MPZ: variants seen among roughly 807,000 people sequenced by gnomAD.
MPZ encodes myelin protein P0.
MPZ carries 13 observed loss-of-function variants against 27.9 expected under a neutral mutation model. The ratio of observed to expected loss-of-function variants is 0.47; its 90% CI spans 0.30 to 0.74. The LOEUF (loss-of-function observed/expected upper bound fraction) is 0.74. Ranked by LOEUF, MPZ falls within the 30% of genes least tolerant of loss-of-function variation. The probability of loss-of-function intolerance (pLI) is 0.06; values close to 1 mark genes in which losing one functional copy is unlikely to be tolerated. For missense variants in MPZ, 256 were observed against 317.5 expected (o/e 0.81, Z 1.47); for synonymous variants, 118 against 128.9 (o/e 0.92, Z 0.57).
rs372369190 is a variant in MPZ, at chr1:161,306,508, G to A, written c.449-44C>T. ...GAAGTGGGAGAATGAGCAGGGCCCTGTATCTGTGGTTCCTAGTCCGAGTGT... is the reference window on the plus strand; with the variant it reads ...GAAGTGGGAGAATGAGCAGGGCCCTATATCTGTGGTTCCTAGTCCGAGTGT... On this transcript the variant is annotated intron_variant, in intron 3 of 5. Transcript: ENST00000533357. 6 of 1,613,488 alleles carry A rather than the reference G, an allele frequency of 3.7e-6. No individual in the cohort carries two copies. In the South Asian group the frequency reaches 5.5e-5, roughly 15 times the overall value.
At chr1:161,307,036 A>AAAAAAAAAC in intron 2 of MPZ, 115 bp from the exon 3 acceptor site, 1 of 960,280 alleles carries the variant, frequency 1.0e-6, no homozygotes, top group African/African-American at 1.7e-5. Flanking sequence ...AAAAAAAAAA[A>AAAAAAAAAC]AAGCTTCGCT....
chr1:161,306,618 G>C, intron 3 of MPZ, 90 bp downstream of exon 3: 3 of 1,555,630 alleles, frequency 1.9e-6, no homozygotes. Flanking sequence ...TCCTTAGGCC[G>C]GGCTTTTTGC....
At position 161,305,673 on chromosome 1, in the gene MPZ, G is replaced by A. The variant is rs995572837; in HGVS notation, c.*203C>T. ...CCTGCTCTGGCAGGGCCTGGGGTGG[G>A]GGGGTGGCGATCACTTGTCCGAGTT... On this transcript the variant is annotated 3_prime_UTR_variant, in exon 6 of 6. Transcript: ENST00000533357. 1.2e-5 allele frequency: 7 copies of A among 592,012 alleles called. No homozygotes were observed. The highest frequency in any genetic ancestry group is 1.9e-5 in the African/African-American group (1 of 53,568). 36.7% of individuals were successfully genotyped at this position (592,012 alleles called of 1,614,324 possible).
downstream of MPZ, among the ~76,000 whole-genome samples, chr1:161,304,242 C>G (rs906939178): frequency 2.0e-5 from 3 of 152,146 alleles, no homozygotes; most frequent in African/African-American, 7.2e-5. Flanking sequence ...TAGGCAAGCA[C>G]TAGAAACAAA....
intron 1 of MPZ, 21 bp downstream of exon 1, chr1:161,309,818 G>C (rs1195277303): frequency 1.9e-6 from 3 of 1,562,706 alleles, no homozygotes; most frequent in Non-Finnish European, 2.6e-6. Context: ...AAGACTCCCA[G>C]AGTAGAGTGG....
Position 161,306,638 on chromosome 1 carries a change from C to A in MPZ, c.448+70G>T. The A allele has an allele frequency of 7.6e-6, 12 of 1,577,002 alleles. No individual in the cohort carries two copies. In the South Asian group the frequency reaches 1.1e-4, roughly 15 times the overall value. ...AGGCCGGGCTTTTTGCCTCTTCCCC[C>A]AACCTATCAGTCCTCCCTGATCCCC... On this transcript the variant is annotated intron_variant, in intron 3 of 5. Transcript: ENST00000533357.
chr1:161,306,229 A>T, intron 4 of MPZ, 61 bp from the exon 5 acceptor site: 1 of 1,611,876 alleles, frequency 6.2e-7, no homozygotes, highest in Non-Finnish European at 8.5e-7. Context: ...CCGCGGACAC[A>T]GCTTCCTCTT....
rs1185199859 is a variant in MPZ at position 161,305,847 on chromosome 1, C to T, written c.*29G>A. 2.6e-6 allele frequency: 4 copies of T among 1,549,748 alleles called. No individual in the cohort carries two copies. Among genetic ancestry groups the T allele is most frequent in the Non-Finnish European group, 3.6e-6 (4 of 1,126,384 alleles). On this transcript the variant is annotated 3_prime_UTR_variant, in exon 6 of 6. Transcript: ENST00000533357. Reference sequence around the variant, plus strand: ...GCCTTTGGCGGACTCCACCCCTAACCCCCGATCCCCCGCCCGGCCCGCTAA... The same window carrying T: ...GCCTTTGGCGGACTCCACCCCTAACTCCCGATCCCCCGCCCGGCCCGCTAA...
In MPZ at chr1:161,307,249, G is replaced by A; in HGVS notation, c.234+9C>T. 1 of 1,614,220 alleles carries A rather than the reference G, an allele frequency of 6.2e-7. No homozygotes were observed. The highest frequency in any genetic ancestry group is 1.3e-5 in the African/African-American group (1 of 75,068). On this transcript the variant is annotated intron_variant, in intron 2 of 5. Transcript: ENST00000533357. ...GTTATCCAACCCCAGGATTCCCCCA[G>A]GCACTCACCGAAATGGCATCTCTGC...
At chr1:161,309,001 A>G (rs1463181331) in intron 1 of MPZ, among the ~76,000 whole-genome samples, 1 of 152,028 alleles carries the variant, frequency 6.6e-6, no homozygotes, top group Non-Finnish European at 1.5e-5. Context: ...TGGCTCACTC[A>G]TTGCACTAGG....
chr1:161,306,801 A>G lies in MPZ; in HGVS notation c.355T>C (p.Tyr119His), dbSNP rs866370185. Residue 119 changes from tyrosine (Y) to histidine (H), a missense_variant, in exon 3 of 6, where the codon TAC (tyrosine) becomes CAC (histidine). Tyr to His is a moderately conservative substitution (Grantham distance 83). Around this residue, in one of 2 missense-constraint regions of MPZ, gnomAD observed 155 missense variants for 223.9 expected, o/e 0.69. Transcript: ENST00000533357. ...DGSIVIHNLD[Y>H]SDNGTFTCDV... The stretch of plus-strand genomic sequence containing the variant: ...CAAGTGAACGTGCCATTGTCACTGT[A>G]GTCTAGGTTGTGTATGACAATGGAG... The G allele has an allele frequency of 6.2e-7, 1 of 1,614,010 alleles. No individual in the cohort carries two copies. Among genetic ancestry groups the G allele is most frequent in the Admixed American group, 1.7e-5 (1 of 60,012 alleles).
In MPZ at chr1:161,305,986, G is replaced by A; in HGVS notation, c.646-9C>T. ...GCATACAGCACTGGCGTCTGGGGGA[G>A]GGGCGCACACATCAGTCACCGAGCG... On this transcript the variant is annotated splice_polypyrimidine_tract_variant and intron_variant, in intron 5 of 5. Coordinates refer to ENST00000533357, the MANE Select transcript of MPZ (RefSeq NM_000530.8). 2 of 1,613,196 alleles carry A rather than the reference G, an allele frequency of 1.2e-6. No homozygotes were observed. The highest frequency in any genetic ancestry group is 1.7e-6 in the Non-Finnish European group (2 of 1,179,240).
In MPZ at chr1:161,306,349, C is replaced by T. The variant is rs183375483; in HGVS notation, c.564G>A (p.Ala188=). Reference sequence around the variant, plus strand: ...CTTACCTGAGCCTCCTCTGCAGGGCCGCCTGCCTGCGTAGCCAGCAGTACC... The same window carrying T: ...CTTACCTGAGCCTCCTCTGCAGGGCTGCCTGCCTGCGTAGCCAGCAGTACC... The part of the protein sequence containing the change: ...VVRYCWLRRQ[A]ALQRRLSAME... Residue 188 remains alanine, a synonymous_variant, in exon 4 of 6, where the codon GCG becomes GCA. Transcript: ENST00000533357. The T allele has an allele frequency of 6.2e-7, 1 of 1,614,196 alleles. No homozygotes were observed. Among genetic ancestry groups the T allele is most frequent in the South Asian group, 1.1e-5 (1 of 91,084 alleles).
chr1:161,303,827 C>G (rs116446896), downstream of MPZ, among the ~76,000 whole-genome samples: 722 of 152,266 alleles, frequency 4.7e-3, 6 homozygotes, highest in African/African-American at 0.017. Context: ...TATATATACT[C>G]TATTAGCTTT....
chr1:161,306,584 A>T, intron 3 of MPZ, 120 bp from the exon 4 acceptor site: 1 of 1,552,108 alleles, frequency 6.4e-7, no homozygotes, highest in East Asian at 2.3e-5. Flanking sequence ...CCTTCTGCCC[A>T]CGCTCCCAGA....
chr1:161,307,248 A>C lies in MPZ; in HGVS notation c.234+10T>G, dbSNP rs745359612. ...TGTTATCCAACCCCAGGATTCCCCC[A>C]GGCACTCACCGAAATGGCATCTCTG... On this transcript the variant is annotated intron_variant, in intron 2 of 5. Coordinates refer to ENST00000533357, the MANE Select transcript of MPZ (RefSeq NM_000530.8). 1.2e-6 allele frequency: 2 copies of C among 1,614,102 alleles called. No individual in the cohort carries two copies. The highest frequency in any genetic ancestry group is 1.7e-5 in the Admixed American group (1 of 60,008).
intron 2 of MPZ, 93 bp from the exon 3 acceptor site, chr1:161,307,014 C>CAAAAAGAA (rs1670273413): frequency 5.5e-6 from 1 of 180,358 alleles, no homozygotes; most frequent in African/African-American, 7.4e-5. Flanking sequence ...AAGAAAAAAG[C>CAAAAAGAA]AAAAAAAAAA....
rs772611598 is a variant in MPZ, at chr1:161,306,772, G to A, written c.384C>T (p.Asp128=). The change falls in exon 3 of 6, where the codon GAC becomes GAT. Residue 128 remains aspartate (D), a synonymous_variant. Transcript: ENST00000533357. ...CCACTATGTCTGGAGGGTTTTTGACGTCACAAGTGAACGTGCCATTGTCAC... is the reference window on the plus strand; with the variant it reads ...CCACTATGTCTGGAGGGTTTTTGACATCACAAGTGAACGTGCCATTGTCAC... ...DYSDNGTFTC[D]VKNPPDIVGK... 3.3e-5 allele frequency: 53 copies of A among 1,613,888 alleles called. No individual in the cohort carries two copies. Among genetic ancestry groups the A allele is most frequent in the East Asian group, 8.9e-5 (4 of 44,880 alleles).
chr1:161,304,261 A>G (rs1015076135), downstream of MPZ, among the ~76,000 whole-genome samples: 1 of 152,200 alleles, frequency 6.6e-6, no homozygotes, highest in African/African-American at 2.4e-5. Flanking sequence ...AATATTGAAC[A>G]CCTTAATATT....
Sources: gnomAD v4.1 joint callset for allele counts (sites outside exome capture counted in the v4.1 genomes callset) on GRCh38, gnomAD v4.1.1 for gene constraint, gnomAD v4.1.1 regional missense constraint, MANE v1.5 for transcripts, NCBI Gene and HGNC (gene_info 2026-07-23, HGNC 2026-07-21) for gene names.